Variants in RGS6 observed in about 807,000 individuals in gnomAD.
RGS6 encodes regulator of G protein signaling 6, also known as regulator of G-protein signaling 6.
RGS6 carries 30 observed loss-of-function variants against 78.5 expected under a neutral mutation model. The observed-to-expected ratio is 0.38, with a 90% CI of 0.29 to 0.52. RGS6 has a LOEUF of 0.52. Ranked by LOEUF, RGS6 falls within the 20% of genes least tolerant of loss-of-function variation. The probability of loss-of-function intolerance (pLI) is 0.85; values close to 1 mark genes in which losing one functional copy is unlikely to be tolerated. For missense variants in RGS6, 495 were observed against 609.7 expected, an observed-to-expected ratio of 0.81 and a Z score of 1.98; for synonymous variants, 206 against 206.0, an observed-to-expected ratio of 1.00 and a Z score of 0.00.
chr14:71,982,686 A>G (rs1320685542), intron 2 of RGS6, among the ~76,000 whole-genome samples: 1 of 152,218 alleles, frequency 6.6e-6, no homozygotes, highest in Non-Finnish European at 1.5e-5. Flanking sequence ...TTTGTTTAAG[A>G]AATTGACAAT....
chr14:71,904,573 G>A, the RGS6 span, among the ~76,000 whole-genome samples: 1 of 152,198 alleles, frequency 6.6e-6, no homozygotes, highest in African/African-American at 2.4e-5. Flanking sequence ...TGTTGTTTGG[G>A]CCTCTGAGTT....
the RGS6 span, among the ~76,000 whole-genome samples, chr14:71,869,953 C>A: frequency 6.6e-6 from 1 of 152,158 alleles, no homozygotes; most frequent in Non-Finnish European, 1.5e-5. Context: ...GATGCCAGCA[C>A]CTTGATATTG....
chr14:71,948,351 A>G (rs2091838312), intron 1 of RGS6, among the ~76,000 whole-genome samples: 1 of 152,196 alleles, frequency 6.6e-6, no homozygotes, highest in Non-Finnish European at 1.5e-5. Flanking sequence ...GACAGTCCAC[A>G]GTGGTAACAG....
intron 1 of RGS6, among the ~76,000 whole-genome samples, chr14:71,957,569 G>A (rs375771103): frequency 6.6e-5 from 10 of 152,144 alleles, no homozygotes; most frequent in East Asian, 1.9e-4. Context: ...GTGGGGAGTC[G>A]GAGGGGTTGG....
intron 3 of RGS6, among the ~76,000 whole-genome samples, chr14:72,356,324 T>TCTCC (rs1390866465): frequency 6.6e-6 from 1 of 152,146 alleles, no homozygotes; most frequent in East Asian, 1.9e-4. Flanking sequence ...GCTCTCTCTC[T>TCTCC]CTCCTGCCGC....
At chr14:72,548,319 GATC>G (rs1458196410) in intron 17 of RGS6, among the ~76,000 whole-genome samples, 1 of 149,746 alleles carries the variant, frequency 6.7e-6, no homozygotes, top group Non-Finnish European at 1.5e-5. Flanking sequence ...CATTTTACCA[GATC>G]ATATTTGTGT....
chr14:72,423,191 T>C (rs947497826), intron 3 of RGS6, among the ~76,000 whole-genome samples: 1 of 152,174 alleles, frequency 6.6e-6, no homozygotes, highest in African/African-American at 2.4e-5. Flanking sequence ...AGAATCTTTT[T>C]AGAGAACATG....
intron 3 of RGS6, among the ~76,000 whole-genome samples, chr14:72,365,208 T>G (rs190482808): frequency 6.6e-6 from 1 of 152,196 alleles, no homozygotes; most frequent in Non-Finnish European, 1.5e-5. Flanking sequence ...AGAAAAAGAA[T>G]GTACTTGCCA....
chr14:72,113,232 G>T (rs976612117), intron 2 of RGS6, among the ~76,000 whole-genome samples: 2 of 152,206 alleles, frequency 1.3e-5, no homozygotes, highest in Admixed American at 6.5e-5. Flanking sequence ...TACCTTGTAC[G>T]TTTACACATA....
intron 17 of RGS6, among the ~76,000 whole-genome samples, chr14:72,556,434 G>T (rs76969692): frequency 1.3e-5 from 2 of 152,260 alleles, no homozygotes; most frequent in East Asian, 3.9e-4. Context: ...CAACACATGG[G>T]GATTATAGGG....
chr14:72,469,965 A>T, intron 7 of RGS6, 42 bp from the exon 8 acceptor site: 2 of 1,446,162 alleles, frequency 1.4e-6, no homozygotes, highest in Non-Finnish European at 1.9e-6. Context: ...GTGCTAATTT[A>T]CGATGATTAA....
intron 2 of RGS6, among the ~76,000 whole-genome samples, chr14:72,104,226 A>AT (rs1295810377): frequency 2.0e-5 from 3 of 151,768 alleles, no homozygotes; most frequent in Admixed American, 1.3e-4. Context: ...GCTGTCGGGG[A>AT]TCCCCAGCTG....
intron 2 of RGS6, among the ~76,000 whole-genome samples, chr14:72,172,342 C>T (rs1011701629): frequency 2.6e-5 from 4 of 151,198 alleles, no homozygotes; most frequent in African/African-American, 9.8e-5. Flanking sequence ...GTTATCTTAT[C>T]CTTACAACAC....
intron 2 of RGS6, among the ~76,000 whole-genome samples, chr14:72,036,613 T>C (rs1489843607): frequency 6.6e-6 from 1 of 152,178 alleles, no homozygotes; most frequent in Non-Finnish European, 1.5e-5. Flanking sequence ...TTGCCGACCC[T>C]ACGTCCCCTT....
chr14:72,626,733 A>G, the RGS6 span, among the ~76,000 whole-genome samples: 1 of 152,248 alleles, frequency 6.6e-6, no homozygotes, highest in Middle Eastern at 3.4e-3. Context: ...AGTGCATATT[A>G]GCTCTGTTAG....
intron 3 of RGS6, among the ~76,000 whole-genome samples, chr14:72,440,862 G>A (rs2095167360): frequency 1.3e-5 from 2 of 152,076 alleles, no homozygotes; most frequent in African/African-American, 2.4e-5. Context: ...TGTGAGTTGC[G>A]GGCATATGTG....
At chr14:72,613,447 T>C in the RGS6 span, among the ~76,000 whole-genome samples, 1 of 152,218 alleles carries the variant, frequency 6.6e-6, no homozygotes. Flanking sequence ...AATGTCGCCA[T>C]CAGCAAAATA....
chr14:71,956,456 G>T (rs2092801711), intron 1 of RGS6, among the ~76,000 whole-genome samples: 1 of 151,734 alleles, frequency 6.6e-6, no homozygotes, highest in African/African-American at 2.4e-5. Flanking sequence ...TGATCACAAG[G>T]TCCCACAAGA....
chr14:71,884,218 C>T, the RGS6 span, among the ~76,000 whole-genome samples: 548 of 152,266 alleles, frequency 3.6e-3, 5 homozygotes, highest in African/African-American at 0.012. Flanking sequence ...AGATCTTGTA[C>T]AACAACACCT....
Sources: allele counts gnomAD v4.1 joint callset (sites outside exome capture counted in the v4.1 genomes callset), GRCh38; gene constraint gnomAD v4.1.1; transcripts MANE v1.5; gene names NCBI Gene and HGNC (gene_info 2026-07-23, HGNC 2026-07-21).